UBR2: variants seen among roughly 807,000 people sequenced by gnomAD.
UBR2 encodes the protein E3 ubiquitin-protein ligase UBR2.
In UBR2, 92 loss-of-function variants were observed where a neutral mutation model predicts 247.9. The observed-to-expected ratio is 0.37, with a 90% CI of 0.31 to 0.44. The LOEUF is 0.44. UBR2 is among the 20% of genes least tolerant of loss of function. The pLI, the probability that UBR2 is intolerant of heterozygous loss-of-function variation, is 1.00. For synonymous variants in UBR2, 672 were observed against 693.5 expected (o/e 0.97, Z 0.49); for missense variants, 1,613 against 2,112.6 (o/e 0.76, Z 4.64).
chr6:42,644,335 AG>A lies in UBR2; in HGVS notation c.2220+1del. ...GKRFSSEITH[K>X]DVVQQNNTLI... Reference sequence around the variant, plus strand: ...AGATTTAGTTCTGAGATTACCCATAAGGTAAGAACGTGTTTTATGAAACCAC... The same window carrying A: ...AGATTTAGTTCTGAGATTACCCATAAGTAAGAACGTGTTTTATGAAACCAC... On this transcript the variant is annotated frameshift_variant and splice_region_variant, in exon 19 of 47. Coordinates refer to ENST00000372901, the MANE Select transcript of UBR2 (RefSeq NM_001363705.2). LOFTEE classifies it high-confidence loss of function. 2 of 1,611,216 alleles carry A rather than the reference AG, an allele frequency of 1.2e-6. No homozygotes were observed. Among genetic ancestry groups the A allele is most frequent in the Non-Finnish European group, 1.7e-6 (2 of 1,179,304 alleles).
intron 21 of UBR2, among the ~76,000 whole-genome samples, 158 bp downstream of exon 21, chr6:42,645,748 A>G (rs1582632974): frequency 6.6e-6 from 1 of 152,318 alleles, no homozygotes; most frequent in African/African-American, 2.4e-5. Flanking sequence ...GAATAATTAG[A>G]AAAAGAGAAT....
At chr6:42,661,193 C>T (rs771048678) in intron 30 of UBR2, among the ~76,000 whole-genome samples, 3 of 151,712 alleles carry the variant, frequency 2.0e-5, no homozygotes, top group African/African-American at 7.3e-5. Flanking sequence ...GAGGCTGAGG[C>T]AGGAGAATGG....
At chr6:42,658,928 T>C (rs563487067) in intron 29 of UBR2, 104 bp downstream of exon 29, 1 of 1,235,466 alleles carries the variant, frequency 8.1e-7, no homozygotes, top group South Asian at 1.9e-5. Flanking sequence ...CTAAAGTAAT[T>C]TAGTAGAATT....
chr6:42,674,295 T>A (rs1217581181), intron 38 of UBR2, 102 bp downstream of exon 38: 1 of 1,039,180 alleles, frequency 9.6e-7, no homozygotes, highest in Non-Finnish European at 1.4e-6. Context: ...GTTATGTGAT[T>A]TCCTTACCCC....
intron 2 of UBR2, among the ~76,000 whole-genome samples, chr6:42,581,894 T>G (rs1791925098): frequency 6.6e-6 from 1 of 152,208 alleles, no homozygotes; most frequent in Admixed American, 6.5e-5. Flanking sequence ...CATTAAAATA[T>G]TAGGCATTGT....
At chr6:42,614,476 C>G (rs1280741439) in intron 8 of UBR2, among the ~76,000 whole-genome samples, 1 of 79,676 alleles carries the variant, frequency 1.3e-5, no homozygotes, top group Non-Finnish European at 2.7e-5. Flanking sequence ...AGTGTTAAAG[C>G]TTTGGTTATT....
intron 7 of UBR2, 86 bp from the exon 8 acceptor site, chr6:42,612,085 G>T: frequency 7.8e-7 from 1 of 1,285,400 alleles, no homozygotes; most frequent in South Asian, 2.1e-5. Flanking sequence ...TGATAGTGTG[G>T]TTATATTAAG....
chr6:42,564,389 A>G lies in UBR2; in HGVS notation c.70A>G (p.Ile24Val), dbSNP rs1790652302. The G allele has an allele frequency of 3.1e-6, 5 of 1,609,082 alleles. No individual in the cohort carries two copies. Among genetic ancestry groups the G allele is most frequent in the Non-Finnish European group, 3.4e-6 (4 of 1,178,000 alleles). ...RSLLECSAEE[I>V]AGKWLQATDL... ...CTTGCTGGAATGTTCGGCCGAGGAG[A>G]TTGCGGGGGTGAGTGCCGGAACCCG... is the stretch of plus-strand genomic sequence containing the variant. Residue 24 changes from isoleucine (I) to valine (V), a missense_variant, in exon 1 of 47, where the codon ATT (isoleucine) becomes GTT (valine). Coordinates refer to ENST00000372901, the MANE Select transcript of UBR2 (RefSeq NM_001363705.2).
chr6:42,629,926 G>C (rs1795596795), intron 11 of UBR2, among the ~76,000 whole-genome samples: 1 of 152,016 alleles, frequency 6.6e-6, no homozygotes, highest in Admixed American at 6.6e-5. Flanking sequence ...TTTGGTTTTT[G>C]GGGTTTTCGT....
At chr6:42,591,335 A>G (rs1454503727) in intron 2 of UBR2, among the ~76,000 whole-genome samples, 2 of 152,214 alleles carry the variant, frequency 1.3e-5, no homozygotes, top group African/African-American at 2.4e-5. Flanking sequence ...CTTATCTACA[A>G]GAGTTTTAGG....
intron 46 of UBR2, among the ~76,000 whole-genome samples, chr6:42,690,584 T>TTTTTCTTTTC (rs200106409): frequency 6.6e-6 from 1 of 152,174 alleles, no homozygotes; most frequent in Non-Finnish European, 1.5e-5. Flanking sequence ...CTGAGGAATG[T>TTTTTCTTTTC]TTTTCTTTTC....
At chr6:42,604,594 C>T (rs924616760) in intron 5 of UBR2, among the ~76,000 whole-genome samples, 2 of 152,170 alleles carry the variant, frequency 1.3e-5, no homozygotes, top group Non-Finnish European at 2.9e-5. Context: ...TTTGGGACAG[C>T]ATGGCCCCCT....
intron 19 of UBR2, 46 bp from the exon 20 acceptor site, chr6:42,644,427 A>G (rs370351232): frequency 2.5e-6 from 4 of 1,589,614 alleles, no homozygotes; most frequent in African/African-American, 1.3e-5. Flanking sequence ...ATTATGCAAT[A>G]TGCATATTCT....
intron 44 of UBR2, 94 bp from the exon 45 acceptor site, chr6:42,688,122 A>G: frequency 1.4e-6 from 2 of 1,449,176 alleles, no homozygotes; most frequent in Non-Finnish European, 9.7e-7. Flanking sequence ...GCTTTACTTG[A>G]TATTGCAGAA....
At chr6:42,624,337 T>TGG (rs35921876) in intron 11 of UBR2, among the ~76,000 whole-genome samples, 130 of 145,952 alleles carry the variant, frequency 8.9e-4, no homozygotes, top group East Asian at 2.2e-3. Flanking sequence ...GTTGAGTTGG[T>TGG]GGGGGGGGTG....
intron 11 of UBR2, among the ~76,000 whole-genome samples, chr6:42,621,454 T>C (rs1794991496): frequency 6.6e-6 from 1 of 152,150 alleles, no homozygotes; most frequent in Non-Finnish European, 1.5e-5. Context: ...GCCTTGGCCA[T>C]TCTTTTTTTG....
chr6:42,691,193 C>T lies in UBR2; in HGVS notation c.*20C>T. 1 of 1,607,216 alleles carries T rather than the reference C, an allele frequency of 6.2e-7. No homozygotes were observed. Among genetic ancestry groups the T allele is most frequent in the Admixed American group, 1.7e-5 (1 of 57,576 alleles). On this transcript the variant is annotated 3_prime_UTR_variant, in exon 47 of 47. Transcript: ENST00000372901. ...TTATAATTATTGCACCACCAAAAAA[C>T]ACAAACTTGGATTTTTTTAACCCAG...
intron 32 of UBR2, among the ~76,000 whole-genome samples, chr6:42,664,516 G>T (rs1798002843): frequency 6.6e-6 from 1 of 152,154 alleles, no homozygotes; most frequent in Non-Finnish European, 1.5e-5. Context: ...GTGTTATTTG[G>T]ATTCAGTTCA....
intron 1 of UBR2, among the ~76,000 whole-genome samples, chr6:42,572,419 T>G (rs942701239): frequency 6.6e-6 from 1 of 152,106 alleles, no homozygotes; most frequent in Non-Finnish European, 1.5e-5. Context: ...GAAGACCTTA[T>G]GTTGACTTCT....
Sources: gnomAD v4.1 joint callset for allele counts (sites outside exome capture counted in the v4.1 genomes callset) on GRCh38, gnomAD v4.1.1 for gene constraint, MANE v1.5 for transcripts, NCBI Gene and HGNC (gene_info 2026-07-23, HGNC 2026-07-21) for gene names.